The following PPARG variants were observed in gnomAD, a reference collection of about 807,000 sequenced individuals.
PPARG encodes peroxisome proliferator-activated receptor gamma.
In PPARG, 17 loss-of-function variants were observed where a neutral mutation model predicts 39.2. The observed-to-expected ratio is 0.43, with a 90% CI of 0.30 to 0.65. PPARG has a LOEUF of 0.65. PPARG is among the 30% of genes least tolerant of loss of function. The pLI, the probability that PPARG is intolerant of heterozygous loss-of-function variation, is 0.13. For missense variants in PPARG, 406 were observed against 585.9 expected (o/e 0.69, Z 3.17); for synonymous variants, 223 against 215.7 (o/e 1.03, Z -0.30).
intron 2 of PPARG, among the ~76,000 whole-genome samples, chr3:12,350,968 A>G (rs1479377806): frequency 1.3e-5 from 2 of 152,222 alleles, no homozygotes; most frequent in Non-Finnish European, 2.9e-5. Flanking sequence ...GGCTTCACAA[A>G]TCAGTAGAGT....
At chr3:12,367,077 G>A (rs955269086) in intron 2 of PPARG, among the ~76,000 whole-genome samples, 2 of 151,980 alleles carry the variant, frequency 1.3e-5, no homozygotes, top group African/African-American at 4.8e-5. Flanking sequence ...AATAAATGTA[G>A]GCCTATTCCA....
At chr3:12,375,455 C>G (rs2049373440) in intron 2 of PPARG, among the ~76,000 whole-genome samples, 1 of 152,230 alleles carries the variant, frequency 6.6e-6, no homozygotes, top group Admixed American at 6.5e-5. Context: ...CTTTAACTCA[C>G]TTTGTCAGCC....
chr3:12,297,871 T>G (rs2046826903), intron 1 of PPARG: 1 of 152,072 alleles, frequency 6.6e-6, no homozygotes, highest in Non-Finnish European at 1.5e-5. Flanking sequence ...CATGATAGAG[T>G]TACCCAGTTT....
chr3:12,428,527 G>A (rs1471917465), intron 7 of PPARG, among the ~76,000 whole-genome samples: 1 of 152,246 alleles, frequency 6.6e-6, no homozygotes, highest in Non-Finnish European at 1.5e-5. Context: ...TGGCAACAGT[G>A]CCTTTTCAGG....
chr3:12,395,780 C>T (rs2050236347), intron 5 of PPARG, among the ~76,000 whole-genome samples: 2 of 152,162 alleles, frequency 1.3e-5, no homozygotes, highest in Admixed American at 1.3e-4. Flanking sequence ...GCTCAGAAGC[C>T]TTCCTGAGTC....
chr3:12,398,189 G>A (rs1339067120), intron 5 of PPARG, among the ~76,000 whole-genome samples: 1 of 151,718 alleles, frequency 6.6e-6, no homozygotes, highest in African/African-American at 2.4e-5. Context: ...ACCGATAGCA[G>A]TAAAAATGAT....
intron 2 of PPARG, among the ~76,000 whole-genome samples, chr3:12,342,925 A>G (rs1380972771): frequency 6.6e-6 from 1 of 152,214 alleles, no homozygotes; most frequent in Non-Finnish European, 1.5e-5. Context: ...ACACTCTAGT[A>G]TCTTTAAAAA....
chr3:12,328,210 TG>T, intron 2 of PPARG: 1 of 1,495,208 alleles, frequency 6.7e-7, no homozygotes, highest in Non-Finnish European at 9.2e-7. Flanking sequence ...AAGTCCTACC[TG>T]GAGCGGAGCG....
At chr3:12,424,566 C>A (rs983746651) in intron 7 of PPARG, among the ~76,000 whole-genome samples, 1 of 152,204 alleles carries the variant, frequency 6.6e-6, no homozygotes, top group African/African-American at 2.4e-5. Context: ...CCCAGGCAGC[C>A]TTCCAGACTG....
chr3:12,325,149 G>A (rs898799029), intron 2 of PPARG, among the ~76,000 whole-genome samples: 2 of 151,798 alleles, frequency 1.3e-5, no homozygotes, highest in Admixed American at 6.6e-5. Flanking sequence ...TTGTCTGGGC[G>A]CAGTGGCTCA....
At chr3:12,363,824 G>T (rs967043979) in intron 2 of PPARG, among the ~76,000 whole-genome samples, 2 of 152,038 alleles carry the variant, frequency 1.3e-5, no homozygotes, top group Non-Finnish European at 2.9e-5. Flanking sequence ...GGACCTAGCC[G>T]AGGAAAACAT....
intron 2 of PPARG, chr3:12,351,587 G>T: frequency 1.3e-6 from 2 of 1,594,976 alleles, no homozygotes; most frequent in South Asian, 2.2e-5. Flanking sequence ...CCTATTCCAT[G>T]CTGTTATGGG....
rs2049582751 is a variant in PPARG at position 12,379,993 on chromosome 3, AC to A, written c.220+65del. ...CTAGAATTGGACTCATCTCTCAGTA[AC>A]CCTGTAATAAATAATGCTCCAGAGA... is the stretch of plus-strand genomic sequence containing the variant. On this transcript the variant is annotated intron_variant, in intron 3 of 7. Transcript: ENST00000651735. 7.4e-6 allele frequency: 10 copies of A among 1,354,252 alleles called. No individual in the cohort carries two copies. The South Asian group carries it at 1.2e-4, about 16-fold the overall frequency. The allele number at this position is 1,354,252 out of a possible 1,614,324, so 83.9% of individuals were successfully genotyped here. A position where few individuals can be genotyped will look rare whatever the true frequency, so the allele number is the denominator to read the frequency against.
intron 2 of PPARG, among the ~76,000 whole-genome samples, chr3:12,378,420 T>C (rs1471481908): frequency 6.6e-6 from 1 of 152,124 alleles, no homozygotes; most frequent in East Asian, 1.9e-4. Flanking sequence ...TCTGTATATA[T>C]ATACACACAT....
At chr3:12,300,759 A>G (rs183751906) in intron 1 of PPARG, among the ~76,000 whole-genome samples, 1 of 152,272 alleles carries the variant, frequency 6.6e-6, no homozygotes, top group East Asian at 1.9e-4. Context: ...ATGTCTGATA[A>G]TTTTCATGGG....
chr3:12,391,947 A>C (rs929388732), intron 4 of PPARG, among the ~76,000 whole-genome samples: 7 of 152,152 alleles, frequency 4.6e-5, no homozygotes, highest in Admixed American at 3.9e-4. Context: ...CAGAATATTC[A>C]GTTGGCCTCA....
At chr3:12,415,403 A>T (rs1251308068) in intron 6 of PPARG, among the ~76,000 whole-genome samples, 3 of 152,228 alleles carry the variant, frequency 2.0e-5, no homozygotes, top group Non-Finnish European at 4.4e-5. Flanking sequence ...GCTTTCAGGT[A>T]TACAAGTATT....
At chr3:12,299,283 C>T (rs894476171) in intron 1 of PPARG, among the ~76,000 whole-genome samples, 3 of 152,140 alleles carry the variant, frequency 2.0e-5, no homozygotes, top group Middle Eastern at 3.4e-3. Context: ...CTAGATTTAA[C>T]GAGAACATTT....
At chr3:12,391,255 G>A (rs1322614371) in intron 4 of PPARG, among the ~76,000 whole-genome samples, 1 of 152,150 alleles carries the variant, frequency 6.6e-6, no homozygotes, top group African/African-American at 2.4e-5. Context: ...TGAGGGAGGG[G>A]CAGAAAATAA....
Sources: gnomAD v4.1 joint callset for allele counts (sites outside exome capture counted in the v4.1 genomes callset) on GRCh38, gnomAD v4.1.1 for gene constraint, MANE v1.5 for transcripts, NCBI Gene and HGNC (gene_info 2026-07-23, HGNC 2026-07-21) for gene names.